Variants in RBFOX1 observed in about 807,000 individuals in gnomAD.
The protein encoded by RBFOX1 is RNA binding fox-1 homolog 1.
A neutral mutation model predicts 57.7 loss-of-function variants in RBFOX1; 8 were observed. The ratio of observed to expected loss-of-function variants is 0.14; its 90% CI spans 0.08 to 0.25. RBFOX1 has a LOEUF of 0.25. RBFOX1 is among the 10% of genes least tolerant of loss of function. The probability of loss-of-function intolerance (pLI) is 1.00; values close to 1 mark genes in which losing one functional copy is unlikely to be tolerated. For synonymous variants in RBFOX1, 326 were observed against 222.4 expected, an observed-to-expected ratio of 1.47 and a Z score of -4.15; for missense variants, 611 against 548.5, an observed-to-expected ratio of 1.11 and a Z score of -1.14.
At chr16:5,243,551 C>A (rs1204972864) in intron 1 of RBFOX1, among the ~76,000 whole-genome samples, 1 of 152,164 alleles carries the variant, frequency 6.6e-6, no homozygotes, top group Non-Finnish European at 1.5e-5. Context: ...CATCTGTGGT[C>A]TCCATCCTCT....
chr16:5,385,925 G>A (rs1369502414), intron 1 of RBFOX1, among the ~76,000 whole-genome samples: 1 of 152,066 alleles, frequency 6.6e-6, no homozygotes, highest in Non-Finnish European at 1.5e-5. Flanking sequence ...GGATAAATCT[G>A]CGTTCCAGTA....
At chr16:5,309,082 G>A (rs908494829) in intron 1 of RBFOX1, among the ~76,000 whole-genome samples, 4 of 152,066 alleles carry the variant, frequency 2.6e-5, no homozygotes, top group Admixed American at 6.5e-5. Flanking sequence ...CACACTCCAC[G>A]AATTTGTTAA....
intron 10 of RBFOX1, among the ~76,000 whole-genome samples, chr16:7,613,801 A>G (rs754549056): frequency 6.6e-6 from 1 of 152,058 alleles, no homozygotes; most frequent in Non-Finnish European, 1.5e-5. Flanking sequence ...CCTCTTTTCA[A>G]TTCCCTTCCT....
intron 3 of RBFOX1, among the ~76,000 whole-genome samples, chr16:5,813,927 A>G (rs757417368): frequency 6.6e-6 from 1 of 152,252 alleles, no homozygotes; most frequent in African/African-American, 2.4e-5. Flanking sequence ...GGATTGGCTT[A>G]TCGTAGGTGT....
At chr16:5,291,634 T>G (rs1425897074) in intron 1 of RBFOX1, among the ~76,000 whole-genome samples, 3 of 152,192 alleles carry the variant, frequency 2.0e-5, no homozygotes, top group Non-Finnish European at 4.4e-5. Flanking sequence ...GGATGCACCT[T>G]CTGAAGTGAT....
Position 7,086,721 on chromosome 16 carries a change from T to TACACACACACACACACACAGACACACAC in RBFOX1, c.27+34642_27+34643insGACACACACACACACACACACACACACA, listed in dbSNP as rs1555460280. ...GCAAAGAGAGGGAGGGAAGAATGTA[T>TACACACACACACACACACAGACACACAC]ACACACACACACACACACACTTTAA... On this transcript the variant is annotated intron_variant, in intron 4 of 15. Transcript: ENST00000550418. Among the ~76,000 whole-genome samples the TACACACACACACACACACAGACACACAC allele has an allele frequency of 1.2e-4, 18 of 149,476 alleles. 3 individuals are homozygous for TACACACACACACACACACAGACACACAC. The highest frequency in any genetic ancestry group is 8.0e-4 in the Admixed American group (12 of 15,012).
At chr16:7,543,261 T>C (rs538746220) in intron 5 of RBFOX1, among the ~76,000 whole-genome samples, 113 of 152,358 alleles carry the variant, frequency 7.4e-4, no homozygotes, top group African/African-American at 2.7e-3. Flanking sequence ...AAATCTGGCC[T>C]GACACATGAC....
intron 2 of RBFOX1, among the ~76,000 whole-genome samples, chr16:6,450,801 G>GTGTATATA (rs2094585388): frequency 1.8e-4 from 3 of 16,462 alleles, no homozygotes; most frequent in African/African-American, 4.6e-4. Flanking sequence ...ATATATATAT[G>GTGTATATA]TATATATATA....
At chr16:6,764,929 T>A (rs1273550744) in intron 3 of RBFOX1, among the ~76,000 whole-genome samples, 1 of 151,890 alleles carries the variant, frequency 6.6e-6, no homozygotes, top group Non-Finnish European at 1.5e-5. Context: ...AGAGCAAGAC[T>A]GTTTCAGAAA....
At chr16:7,006,131 A>G (rs75057927) in intron 3 of RBFOX1, among the ~76,000 whole-genome samples, 6,234 of 152,198 alleles carry the variant, frequency 0.041, 437 homozygotes, top group African/African-American at 0.14. Flanking sequence ...GAGGACATAC[A>G]TAATGTCATT....
intron 4 of RBFOX1, among the ~76,000 whole-genome samples, chr16:7,336,603 C>A (rs1013331829): frequency 6.6e-6 from 1 of 152,154 alleles, no homozygotes; most frequent in African/African-American, 2.4e-5. Flanking sequence ...AGTAGGTAAA[C>A]CCCAACTATA....
At chr16:6,529,551 T>C (rs2096627668) in intron 2 of RBFOX1, among the ~76,000 whole-genome samples, 1 of 145,292 alleles carries the variant, frequency 6.9e-6, no homozygotes, top group African/African-American at 2.5e-5. Context: ...AGAGACTCCA[T>C]CTCAAATAAT....
chr16:7,400,574 C>T (rs9921534), intron 4 of RBFOX1, among the ~76,000 whole-genome samples: 4,361 of 152,204 alleles, frequency 0.029, 166 homozygotes, highest in African/African-American at 0.09. Context: ...TTTGTATTAC[C>T]ATCTCCCAGC....
At chr16:7,222,481 A>G (rs540485576) in intron 4 of RBFOX1, among the ~76,000 whole-genome samples, 1 of 152,204 alleles carries the variant, frequency 6.6e-6, no homozygotes, top group Non-Finnish European at 1.5e-5. Flanking sequence ...AAAGTTGGCA[A>G]TGCAAGGAAG....
chr16:6,327,747 C>A (rs1392086454), intron 2 of RBFOX1, among the ~76,000 whole-genome samples: 1 of 152,150 alleles, frequency 6.6e-6, no homozygotes, highest in Non-Finnish European at 1.5e-5. Flanking sequence ...TGGTGCAAGA[C>A]ATGATTTCTA....
intron 4 of RBFOX1, among the ~76,000 whole-genome samples, chr16:7,311,235 C>A (rs1381327085): frequency 6.6e-6 from 1 of 152,186 alleles, no homozygotes; most frequent in East Asian, 1.9e-4. Context: ...AGCTGAAGAG[C>A]AGTCCTACCC....
intron 3 of RBFOX1, among the ~76,000 whole-genome samples, chr16:5,631,523 C>G (rs976828749): frequency 5.3e-5 from 8 of 151,528 alleles, no homozygotes; most frequent in African/African-American, 1.7e-4. Context: ...CACCACTGCA[C>G]TCCAGCCTGG....
chr16:7,164,570 C>G (rs775431873), intron 4 of RBFOX1, among the ~76,000 whole-genome samples: 1 of 152,126 alleles, frequency 6.6e-6, no homozygotes, highest in Non-Finnish European at 1.5e-5. Flanking sequence ...GTGTGAAAAG[C>G]CCCCTCTAAA....
chr16:6,584,825 C>T (rs868005627), intron 2 of RBFOX1, among the ~76,000 whole-genome samples: 33 of 152,178 alleles, frequency 2.2e-4, no homozygotes, highest in African/African-American at 8.0e-4. Flanking sequence ...GTTTTGCCAG[C>T]AGCCTCCAGC....
Sources: allele counts gnomAD v4.1 joint callset (sites outside exome capture counted in the v4.1 genomes callset), GRCh38; gene constraint gnomAD v4.1.1; transcripts MANE v1.5; gene names NCBI Gene and HGNC (gene_info 2026-07-23, HGNC 2026-07-21).